The following SANBR variants were observed in gnomAD, a reference collection of about 807,000 sequenced individuals.
SANBR encodes SANT and BTB domain regulator of class switch recombination.
SANBR carries 77 observed loss-of-function variants against 101.8 expected under a neutral mutation model. The ratio of observed to expected loss-of-function variants is 0.76; its 90% CI spans 0.63 to 0.91. SANBR has a LOEUF of 0.91. Ranked by LOEUF, SANBR falls within the 40% of genes least tolerant of loss-of-function variation. The pLI is 0.00. For missense variants in SANBR, 875 were observed against 853.0 expected (o/e 1.03, Z -0.32); for synonymous variants, 279 against 274.7 (o/e 1.02, Z -0.15).
Position 61,083,323 on chromosome 2 carries a change from A to G in SANBR, c.890+9A>G. 1 of 1,518,742 alleles carries G rather than the reference A, an allele frequency of 6.6e-7. No homozygotes were observed. The allele number at this position is 1,518,742 out of a possible 1,614,324, so 94.1% of individuals were successfully genotyped here. On this transcript the variant is annotated intron_variant, in intron 8 of 21. Coordinates refer to ENST00000402291, the MANE Select transcript of SANBR (RefSeq NM_001129993.3). ...AAAGATAAATTTAAAAGGTAATTTC[A>G]AAAGTTTAATTTTAAACCTAATACT...
intron 16 of SANBR, among the ~76,000 whole-genome samples, chr2:61,111,122 A>G (rs915747585): frequency 2.0e-5 from 3 of 152,090 alleles, no homozygotes; most frequent in Non-Finnish European, 4.4e-5. Flanking sequence ...AGCCAGGCGC[A>G]GTGGCTCACA....
chr2:61,118,002 A>G (rs745371636), intron 19 of SANBR, 26 bp from the exon 20 acceptor site: 1 of 1,563,370 alleles, frequency 6.4e-7, no homozygotes, highest in Admixed American at 1.7e-5. Flanking sequence ...TATGAAAAGT[A>G]AAGTTTACTG....
At chr2:61,109,678 T>G (rs1200726219) in intron 16 of SANBR, among the ~76,000 whole-genome samples, 16 of 127,806 alleles carry the variant, frequency 1.3e-4, no homozygotes, top group African/African-American at 3.8e-4. Flanking sequence ...TTTTTTTGTG[T>G]TTGTTTTTTT....
exon 21 of SANBR, chr2:61,134,223 G>T: frequency 1.9e-6 from 3 of 1,605,238 alleles, no homozygotes; most frequent in Non-Finnish European, 2.6e-6. Context: ...TGACAGTGTT[G>T]CTGTGTTAAA....
At chr2:61,124,933 C>T (rs114178736), downstream of SANBR, among the ~76,000 whole-genome samples, 481 of 151,670 alleles carry the variant, frequency 3.2e-3, 2 homozygotes, top group African/African-American at 0.011. Context: ...ACTAAAGGCA[C>T]GTTATAATAT....
chr2:61,080,475 C>G (rs1004873786), intron 6 of SANBR, among the ~76,000 whole-genome samples: 1 of 152,172 alleles, frequency 6.6e-6, no homozygotes, highest in Non-Finnish European at 1.5e-5. Context: ...GTAATCCCAG[C>G]ACTTTGGGAG....
At position 61,070,439 on chromosome 2, in the gene SANBR, T is replaced by C; in HGVS notation, c.89T>C (p.Ile30Thr). 6.2e-7 allele frequency: 1 copy of C among 1,601,858 alleles called. No individual in the cohort carries two copies. The highest frequency in any genetic ancestry group is 8.5e-7 in the Non-Finnish European group (1 of 1,175,372). Residue 30 changes from isoleucine (I) to threonine (T), a missense_variant, in exon 3 of 22, where the codon ATC becomes ACC. Physicochemically the swap from Ile to Thr is moderately conservative, Grantham distance 89 (BLOSUM62 -1). Transcript: ENST00000402291. The stretch of plus-strand genomic sequence containing the variant: ...ATGATCCTTTATCCATTAATTGGAA[T>C]CCCTCAGACTATCAACTGGGAAACT... ...LDMILYPLIG[I>T]PQTINWETIA...
At chr2:61,126,433 G>A (rs771127397), downstream of SANBR, among the ~76,000 whole-genome samples, 7 of 152,072 alleles carry the variant, frequency 4.6e-5, no homozygotes, top group South Asian at 2.1e-4. Context: ...AGCGACGTTC[G>A]TGATTTTTCG....
chr2:61,109,684 T>TG lies in SANBR; in HGVS notation c.1744+388_1744+389insG, dbSNP rs201891670. ...AAAGCATGTTTTTTTTGTGTTTGTT[T>TG]TTTTTTTTTTTTTTTTGAGGCAGAG... is the stretch of plus-strand genomic sequence containing the variant. On this transcript the variant is annotated intron_variant, in intron 16 of 21. Coordinates refer to ENST00000402291, the MANE Select transcript of SANBR (RefSeq NM_001129993.3). Among the ~76,000 whole-genome samples, 260 of 146,770 alleles carry TG rather than the reference T, an allele frequency of 1.8e-3. 1 individual carries two copies. Among genetic ancestry groups the TG allele is most frequent in the African/African-American group, 6.4e-3 (255 of 39,666 alleles).
At chr2:61,103,798 T>C (rs779933718) in intron 12 of SANBR, 55 bp from the exon 13 acceptor site, 51 of 1,521,772 alleles carry the variant, frequency 3.4e-5, no homozygotes, top group Non-Finnish European at 4.5e-5. Context: ...CAGTGATCTT[T>C]AAAGGAGTGT....
chr2:61,099,181 G>T (rs1245401131), intron 12 of SANBR, among the ~76,000 whole-genome samples: 1 of 152,214 alleles, frequency 6.6e-6, no homozygotes, highest in Admixed American at 6.5e-5. Flanking sequence ...GTCAGTCCAT[G>T]CAGGAGCAGG....
chr2:61,098,244 C>T (rs1683126779), intron 12 of SANBR, among the ~76,000 whole-genome samples: 1 of 151,836 alleles, frequency 6.6e-6, no homozygotes, highest in African/African-American at 2.4e-5. Context: ...GCTGGGACTA[C>T]AGGCACACGC....
chr2:61,107,514 A>G (rs1332872653), intron 14 of SANBR, among the ~76,000 whole-genome samples: 1 of 152,206 alleles, frequency 6.6e-6, no homozygotes, highest in Admixed American at 6.5e-5. Flanking sequence ...ATATTTGCCT[A>G]TGAATGTTCT....
chr2:61,118,301 G>A (rs146396950), intron 20 of SANBR, among the ~76,000 whole-genome samples, 185 bp downstream of exon 20: 1,547 of 152,230 alleles, frequency 0.01, 31 homozygotes, highest in African/African-American at 0.035. Context: ...GAATGCAGTG[G>A]TGCAATCTCG....
chr2:61,096,929 G>A (rs1026185924), intron 11 of SANBR, among the ~76,000 whole-genome samples: 8 of 152,114 alleles, frequency 5.3e-5, no homozygotes, highest in African/African-American at 1.7e-4. Context: ...TGAAGCAGGC[G>A]GATCACCTGA....
chr2:61,097,809 G>A lies in SANBR; in HGVS notation c.1322G>A (p.Cys441Tyr). 1 of 1,613,334 alleles carries A rather than the reference G, an allele frequency of 6.2e-7. No individual in the cohort carries two copies. The highest frequency in any genetic ancestry group is 8.5e-7 in the Non-Finnish European group (1 of 1,179,592). The change falls in exon 12 of 22, where the codon TGT (cysteine) becomes TAT (tyrosine). Residue 441 changes from cysteine to tyrosine, a missense_variant. Physicochemically the swap from Cys to Tyr is radical, Grantham distance 194 (BLOSUM62 -2). Transcript: ENST00000402291. ...NTVGTGIYPC[C>Y]NQKVLRFDPT... Reference sequence around the variant, plus strand: ...GTTGGCACTGGAATTTATCCCTGCTGTAACCAAAAGGTTCTTCGGTTTGAT... The same window carrying A: ...GTTGGCACTGGAATTTATCCCTGCTATAACCAAAAGGTTCTTCGGTTTGAT...
At chr2:61,070,956 A>C (rs1681433792) in intron 3 of SANBR, among the ~76,000 whole-genome samples, 1 of 151,348 alleles carries the variant, frequency 6.6e-6, no homozygotes, top group South Asian at 2.1e-4. Flanking sequence ...TCCTGACCTC[A>C]AGCGATCTTT....
At chr2:61,134,913 G>A (rs1212157525) in intron 21 of SANBR, among the ~76,000 whole-genome samples, 1 of 151,890 alleles carries the variant, frequency 6.6e-6, no homozygotes, top group Non-Finnish European at 1.5e-5. Context: ...TTGGCTGGGA[G>A]TGGTGGCTCA....
rs1479396575 is a variant in SANBR, at chr2:61,081,454, C to T, written c.673C>T (p.Pro225Ser). 7 of 1,570,916 alleles carry T rather than the reference C, an allele frequency of 4.5e-6. No individual in the cohort carries two copies. In the African/African-American group the frequency reaches 7.0e-5, roughly 16 times the overall value. ...ATCTAATTTTTTTTTTTTTTTAGAGCCAGGAAATGTCATTTCAATTCTTAT... is the reference window on the plus strand; with the variant it reads ...ATCTAATTTTTTTTTTTTTTTAGAGTCAGGAAATGTCATTTCAATTCTTAT... ...NKDCEMPTLE[P>S]GNVISILISS... Residue 225 changes from proline to serine, a missense_variant and splice_region_variant, in exon 7 of 22, where the codon CCA becomes TCA. Physicochemically the swap from Pro to Ser is moderately conservative, Grantham distance 74. Coordinates refer to ENST00000402291, the MANE Select transcript of SANBR (RefSeq NM_001129993.3).
Sources: allele counts gnomAD v4.1 joint callset (sites outside exome capture counted in the v4.1 genomes callset), GRCh38; gene constraint gnomAD v4.1.1; transcripts MANE v1.5; gene names NCBI Gene and HGNC (gene_info 2026-07-23, HGNC 2026-07-21).